HLCS: variants seen among roughly 807,000 people sequenced by gnomAD.
HLCS encodes the protein biotin--protein ligase.
In HLCS, 53 loss-of-function variants were observed where a neutral mutation model predicts 75.0. The observed-to-expected ratio is 0.71, with a 90% CI of 0.57 to 0.89. HLCS has a LOEUF of 0.89. Ranked by LOEUF, HLCS falls within the 40% of genes least tolerant of loss-of-function variation. HLCS has a pLI of 0.00. For synonymous variants in HLCS, 431 were observed against 428.6 expected (o/e 1.01, Z -0.07); for missense variants, 966 against 1,074.0 (o/e 0.90, Z 1.41).
intron 6 of HLCS, among the ~76,000 whole-genome samples, chr21:36,798,729 TA>T (rs2061106026): frequency 6.6e-6 from 1 of 152,236 alleles, no homozygotes; most frequent in Non-Finnish European, 1.5e-5. Context: ...TCAGCCCTAC[TA>T]ATGCATGTGA....
At chr21:36,757,539 A>G in intron 9 of HLCS, among the ~76,000 whole-genome samples, 1 of 152,218 alleles carries the variant, frequency 6.6e-6, no homozygotes, top group East Asian at 1.9e-4. Context: ...AAATACTGCA[A>G]AAACTAAGCA....
intron 1 of HLCS, among the ~76,000 whole-genome samples, chr21:36,986,378 G>C (rs2069229478): frequency 1.3e-5 from 2 of 152,302 alleles, no homozygotes; most frequent in South Asian, 4.1e-4. Flanking sequence ...GCGCCCACCT[G>C]AATGAGTCAT....
At chr21:36,839,229 T>A (rs1184736407) in intron 6 of HLCS, among the ~76,000 whole-genome samples, 1 of 152,190 alleles carries the variant, frequency 6.6e-6, no homozygotes, top group East Asian at 1.9e-4. Context: ...CATTAGCATG[T>A]CCACTTCATG....
chr21:36,949,018 C>T (rs2146594628), intron 2 of HLCS, among the ~76,000 whole-genome samples: 1 of 152,270 alleles, frequency 6.6e-6, no homozygotes, highest in East Asian at 1.9e-4. Flanking sequence ...CTGTAGACAG[C>T]CGATACACCG....
intron 6 of HLCS, 195 bp downstream of exon 6, chr21:36,896,661 AAAAC>A: frequency 1.6e-6 from 1 of 621,602 alleles, no homozygotes; most frequent in Non-Finnish European, 2.8e-6. Context: ...ATTCCCATAA[AAAAC>A]AAACCTGTGA....
At chr21:36,845,308 C>T (rs541177920) in intron 6 of HLCS, among the ~76,000 whole-genome samples, 1 of 152,264 alleles carries the variant, frequency 6.6e-6, no homozygotes, top group South Asian at 2.1e-4. Flanking sequence ...GGCTTCCTTT[C>T]TAAGCCATAA....
At chr21:36,808,557 C>T (rs911716685) in intron 6 of HLCS, among the ~76,000 whole-genome samples, 50 of 152,178 alleles carry the variant, frequency 3.3e-4, no homozygotes, top group Admixed American at 2.9e-3. Context: ...CATCGAGGTC[C>T]GTATCTACCC....
At chr21:36,967,172 G>A (rs1198978317), upstream of HLCS, among the ~76,000 whole-genome samples, 1 of 152,124 alleles carries the variant, frequency 6.6e-6, no homozygotes, top group Non-Finnish European at 1.5e-5. Context: ...TTACTAACCA[G>A]CAGCACACCG....
intron 6 of HLCS, among the ~76,000 whole-genome samples, chr21:36,820,363 AGCCACGGCCGG>A (rs1569056558): frequency 6.6e-6 from 1 of 152,022 alleles, no homozygotes; most frequent in African/African-American, 2.4e-5. Context: ...GCTGCTGCCC[AGCCACGGCCGG>A]GCCGCCGACT....
chr21:36,754,904 T>C (rs2089501282), intron 10 of HLCS, among the ~76,000 whole-genome samples: 1 of 152,228 alleles, frequency 6.6e-6, no homozygotes, highest in African/African-American at 2.4e-5. Context: ...CACGTCCTTC[T>C]TAACAGCTTT....
At chr21:36,843,386 C>T (rs1244226453) in intron 6 of HLCS, among the ~76,000 whole-genome samples, 2 of 152,162 alleles carry the variant, frequency 1.3e-5, no homozygotes, top group East Asian at 3.9e-4. Flanking sequence ...TCCAGTGAGC[C>T]ATGATCGTGC....
intron 6 of HLCS, among the ~76,000 whole-genome samples, chr21:36,851,401 A>G (rs1468971120): frequency 6.6e-6 from 1 of 152,240 alleles, no homozygotes; most frequent in African/African-American, 2.4e-5. Context: ...ACTGGAGGTC[A>G]TTATGCTCAG....
At chr21:36,882,929 C>G (rs1164913445) in intron 6 of HLCS, among the ~76,000 whole-genome samples, 2 of 152,156 alleles carry the variant, frequency 1.3e-5, no homozygotes, top group African/African-American at 4.8e-5. Flanking sequence ...CCTTGCCCTT[C>G]CACAACCAGG....
intron 5 of HLCS, among the ~76,000 whole-genome samples, chr21:36,907,939 A>C (rs2065530765): frequency 6.6e-6 from 1 of 152,156 alleles, no homozygotes. Context: ...AACCACAATT[A>C]GATACCACTA....
At chr21:36,902,755 G>A (rs768186643) in intron 5 of HLCS, among the ~76,000 whole-genome samples, 4 of 152,190 alleles carry the variant, frequency 2.6e-5, no homozygotes, top group Non-Finnish European at 4.4e-5. Flanking sequence ...TCTGAGCAGC[G>A]CCTTCCCCAG....
chr21:36,979,081 AAC>A (rs751428612), intron 1 of HLCS, among the ~76,000 whole-genome samples: 2 of 152,054 alleles, frequency 1.3e-5, no homozygotes, highest in Non-Finnish European at 2.9e-5. Flanking sequence ...CATCCTGGCT[AAC>A]ACAGTGAAAC....
intron 5 of HLCS, among the ~76,000 whole-genome samples, chr21:36,918,620 A>G (rs913431476): frequency 1.3e-5 from 2 of 152,264 alleles, no homozygotes; most frequent in African/African-American, 4.8e-5. Context: ...CCCAGGACTT[A>G]GCATGCAGAA....
chr21:36,869,134 ATTTATTTT>A (rs1355569915), intron 6 of HLCS, among the ~76,000 whole-genome samples: 4 of 127,062 alleles, frequency 3.1e-5, no homozygotes, highest in Non-Finnish European at 6.9e-5. Context: ...TTATTTATTT[ATTTATTTT>A]GAGACAGAGT....
At chr21:36,849,833 A>C (rs2062927276) in intron 6 of HLCS, among the ~76,000 whole-genome samples, 1 of 152,140 alleles carries the variant, frequency 6.6e-6, no homozygotes, top group African/African-American at 2.4e-5. Flanking sequence ...ATGAACCTTG[A>C]CTGGACAAAC....
Sources: allele counts gnomAD v4.1 joint callset (sites outside exome capture counted in the v4.1 genomes callset), GRCh38; gene constraint gnomAD v4.1.1; transcripts MANE v1.5; gene names NCBI Gene and HGNC (gene_info 2026-07-23, HGNC 2026-07-21).